The following PITPNC1 variants were observed in gnomAD, a reference collection of about 807,000 sequenced individuals.
PITPNC1 encodes phosphatidylinositol transfer protein cytoplasmic 1, also known as cytoplasmic phosphatidylinositol transfer protein 1.
A neutral mutation model predicts 44.7 loss-of-function variants in PITPNC1; 18 were observed. That is an observed-to-expected ratio of 0.40 (90% CI 0.28 to 0.60). The LOEUF (loss-of-function observed/expected upper bound fraction) is 0.60, where lower values mean the gene tolerates loss of function less well. Ranked by LOEUF, PITPNC1 falls within the 20% of genes least tolerant of loss-of-function variation. The pLI is 0.39. For missense variants in PITPNC1, 290 were observed against 418.4 expected, an observed-to-expected ratio of 0.69 and a Z score of 2.68; for synonymous variants, 141 against 149.6, an observed-to-expected ratio of 0.94 and a Z score of 0.42.
At chr17:67,575,874 C>CCTTTTTTTTTT (rs777390217) in intron 4 of PITPNC1, among the ~76,000 whole-genome samples, 1 of 18,534 alleles carries the variant, frequency 5.4e-5, no homozygotes, top group African/African-American at 1.5e-4. Flanking sequence ...TTCTTTCTTT[C>CCTTTTTTTTTT]TTTCCTTTTT....
At chr17:67,427,322 T>C (rs1348337214) in intron 1 of PITPNC1, among the ~76,000 whole-genome samples, 1 of 152,164 alleles carries the variant, frequency 6.6e-6, no homozygotes, top group Non-Finnish European at 1.5e-5. Context: ...GCAATTCTCC[T>C]GCTTCAGCCT....
chr17:67,401,226 C>T (rs1019714094), intron 1 of PITPNC1, among the ~76,000 whole-genome samples: 3 of 152,136 alleles, frequency 2.0e-5, no homozygotes, highest in Non-Finnish European at 2.9e-5. Flanking sequence ...TGAGCCACCG[C>T]GCCTGGCCAG....
In PITPNC1 at chr17:67,577,053, G is replaced by A. The variant is rs148353059; in HGVS notation, c.295-1133G>A. ...TCCCAGCACTTTGGGAGGCCGAGGCGGGAGAATCGCATAAGGCCGGGAATT... is the reference window on the plus strand; with the variant it reads ...TCCCAGCACTTTGGGAGGCCGAGGCAGGAGAATCGCATAAGGCCGGGAATT... On this transcript the variant is annotated intron_variant, in intron 4 of 8. Coordinates refer to ENST00000581322, the MANE Select transcript of PITPNC1 (RefSeq NM_012417.4). 1.5e-3 allele frequency among the ~76,000 whole-genome samples: 229 copies of A among 152,150 alleles called. 2 individuals are homozygous for A. Among genetic ancestry groups the A allele is most frequent in the Non-Finnish European group, 2.6e-3 (177 of 67,996 alleles).
At chr17:67,528,691 A>G (rs1568027730) in intron 1 of PITPNC1, among the ~76,000 whole-genome samples, 1 of 152,316 alleles carries the variant, frequency 6.6e-6, no homozygotes, top group East Asian at 1.9e-4. Flanking sequence ...GTTCTGCTGC[A>G]GCGGTTCTCA....
intron 1 of PITPNC1, among the ~76,000 whole-genome samples, chr17:67,382,702 G>GC (rs2037981282): frequency 6.6e-6 from 1 of 152,192 alleles, no homozygotes; most frequent in South Asian, 2.1e-4. Context: ...TCGGCTCACT[G>GC]CGACCTCCAC....
rs1028996688 is a variant in PITPNC1 at position 67,463,553 on chromosome 17, G to A, written c.49-69249G>A. ...TGACTTGGGGTCAAAGAGCATCGCT[G>A]ATATCAGGAGAAGCTGCCTGAATGT... On this transcript the variant is annotated intron_variant, in intron 1 of 8. Transcript: ENST00000581322. Among the ~76,000 whole-genome samples, 7 of 152,190 alleles carry A rather than the reference G, an allele frequency of 4.6e-5. 1 individual carries two copies. In the East Asian group the frequency reaches 1.3e-3, roughly 29 times the overall value.
At chr17:67,459,067 T>G (rs921778182) in intron 1 of PITPNC1, among the ~76,000 whole-genome samples, 2 of 151,836 alleles carry the variant, frequency 1.3e-5, no homozygotes, top group Non-Finnish European at 2.9e-5. Flanking sequence ...TGGGAAGTAT[T>G]TCTTTGAAGA....
intron 1 of PITPNC1, among the ~76,000 whole-genome samples, chr17:67,390,713 C>G (rs1429806388): frequency 6.6e-6 from 1 of 152,144 alleles, no homozygotes; most frequent in Non-Finnish European, 1.5e-5. Flanking sequence ...GCAAATCTCC[C>G]AGGTGGCGTA....
At chr17:67,679,428 C>A (rs1238628478) in intron 8 of PITPNC1, among the ~76,000 whole-genome samples, 1 of 152,186 alleles carries the variant, frequency 6.6e-6, no homozygotes, top group African/African-American at 2.4e-5. Context: ...GAATTTGAGC[C>A]CCATTTGCCT....
intron 1 of PITPNC1, among the ~76,000 whole-genome samples, chr17:67,477,657 C>A (rs895673941): frequency 6.6e-6 from 1 of 152,208 alleles, no homozygotes; most frequent in East Asian, 1.9e-4. Flanking sequence ...CCTCAGCCCC[C>A]CAAAGTACTT....
chr17:67,478,523 G>C (rs1027388628), intron 1 of PITPNC1, among the ~76,000 whole-genome samples: 1 of 152,122 alleles, frequency 6.6e-6, no homozygotes, highest in Non-Finnish European at 1.5e-5. Flanking sequence ...AGACAGGCTA[G>C]AGCTGGTTCC....
intron 6 of PITPNC1, among the ~76,000 whole-genome samples, chr17:67,669,258 T>C (rs917642271): frequency 6.6e-6 from 1 of 151,990 alleles, no homozygotes; most frequent in Non-Finnish European, 1.5e-5. Flanking sequence ...AGGCAGTAGG[T>C]GGGATTACCA....
chr17:67,458,340 C>G (rs928113410), intron 1 of PITPNC1, among the ~76,000 whole-genome samples: 3 of 152,184 alleles, frequency 2.0e-5, no homozygotes, highest in African/African-American at 7.2e-5. Context: ...TCATTGTGCT[C>G]TCTATGCCCT....
chr17:67,433,811 G>GT lies in PITPNC1; in HGVS notation c.48+55609_48+55610insT, dbSNP rs2038894012. Among the ~76,000 whole-genome samples, 6 of 152,194 alleles carry GT rather than the reference G, an allele frequency of 3.9e-5. No individual in the cohort carries two copies. In the South Asian group the frequency reaches 1.2e-3, roughly 32 times the overall value. ...AGGAGGCTGACGCAGGAGGATCACT[G>GT]GAACCCAGCAGTCTGAGACTAGCGT... On this transcript the variant is annotated intron_variant, in intron 1 of 8. Transcript: ENST00000581322.
intron 1 of PITPNC1, among the ~76,000 whole-genome samples, chr17:67,499,030 C>G (rs144832281): frequency 1.0e-3 from 159 of 152,168 alleles, no homozygotes; most frequent in African/African-American, 3.6e-3. Context: ...CGCCACCATG[C>G]CTGGCTAATT....
At chr17:67,444,295 C>T (rs563162803) in intron 1 of PITPNC1, among the ~76,000 whole-genome samples, 1 of 152,140 alleles carries the variant, frequency 6.6e-6, no homozygotes. Context: ...GCCGAGATCA[C>T]GGGGAAGCTC....
intron 5 of PITPNC1, among the ~76,000 whole-genome samples, chr17:67,629,888 G>T (rs1308949297): frequency 1.3e-5 from 2 of 152,186 alleles, no homozygotes; most frequent in African/African-American, 2.4e-5. Context: ...GAAGTCAGTG[G>T]CCACCTCGGG....
At position 67,676,975 on chromosome 17, in the gene PITPNC1, C is replaced by G. The variant is rs988093166; in HGVS notation, c.682+1433C>G. 2.0e-5 allele frequency among the ~76,000 whole-genome samples: 3 copies of G among 152,176 alleles called. No homozygotes were observed. Among genetic ancestry groups the G allele is most frequent in the African/African-American group, 7.2e-5 (3 of 41,436 alleles). On this transcript the variant is annotated intron_variant, in intron 8 of 8. Transcript: ENST00000581322. The surrounding 1 kb of genome is among the most constrained non-coding windows in gnomAD (Gnocchi z 4.0). ...ATGCCGCTCTCATACCGCAAAAGCA[C>G]TGGCTTGCCACATTGTCATGTAGTC...
intron 2 of PITPNC1, among the ~76,000 whole-genome samples, chr17:67,537,870 G>A (rs1358738412): frequency 6.6e-6 from 1 of 151,830 alleles, no homozygotes; most frequent in African/African-American, 2.4e-5. Context: ...TACTCTGGAG[G>A]CTGAGGCAGG....
Sources: allele counts gnomAD v4.1 joint callset (sites outside exome capture counted in the v4.1 genomes callset), GRCh38; gene constraint gnomAD v4.1.1; non-coding constraint Gnocchi (gnomAD v3.1); transcripts MANE v1.5; gene names NCBI Gene and HGNC (gene_info 2026-07-23, HGNC 2026-07-21).